The following SAMD12 variants were observed in gnomAD, a reference collection of about 807,000 sequenced individuals.
SAMD12 encodes sterile alpha motif domain-containing protein 12.
Under a neutral mutation model 15.0 loss-of-function variants are expected in SAMD12, and 9 were observed. The observed-to-expected ratio is 0.60, with a 90% CI of 0.36 to 1.05. SAMD12 has a LOEUF of 1.05. Ranked by LOEUF, SAMD12 falls within the 50% of genes least tolerant of loss-of-function variation. The probability of loss-of-function intolerance (pLI) is 0.01; values close to 1 mark genes in which losing one functional copy is unlikely to be tolerated. For synonymous variants in SAMD12, 86 were observed against 90.1 expected (o/e 0.96, Z 0.25); for missense variants, 230 against 234.2 (o/e 0.98, Z 0.12).
the SAMD12 span, among the ~76,000 whole-genome samples, chr8:118,177,595 T>C: frequency 6.0e-4 from 91 of 152,254 alleles, no homozygotes; most frequent in Non-Finnish European, 9.0e-4. Flanking sequence ...GGCTCATAGA[T>C]GGGTGTAATC....
intron 1 of SAMD12, among the ~76,000 whole-genome samples, chr8:118,604,279 A>G (rs1827936322): frequency 6.6e-6 from 1 of 152,176 alleles, no homozygotes; most frequent in African/African-American, 2.4e-5. Flanking sequence ...ATGGTAGAGA[A>G]TATTTATCTA....
the SAMD12 span, among the ~76,000 whole-genome samples, chr8:118,146,336 G>A: frequency 6.6e-6 from 1 of 152,172 alleles, no homozygotes; most frequent in Non-Finnish European, 1.5e-5. Context: ...GATAGCAAGA[G>A]ACAAAGCTGG....
chr8:118,537,527 ATTCT>A (rs1825878733), intron 2 of SAMD12, among the ~76,000 whole-genome samples: 1 of 152,152 alleles, frequency 6.6e-6, no homozygotes, highest in Non-Finnish European at 1.5e-5. Context: ...AGGCTCACGA[ATTCT>A]TTCTTCTGCT....
intron 4 of SAMD12, among the ~76,000 whole-genome samples, chr8:118,260,255 ATTTGCCT>A (rs1813047010): frequency 6.6e-6 from 1 of 151,822 alleles, no homozygotes; most frequent in African/African-American, 2.4e-5. Flanking sequence ...TGATTTATGG[ATTTGCCT>A]TTTTTTGTCC....
At chr8:118,305,180 A>T (rs1815274172) in intron 4 of SAMD12, among the ~76,000 whole-genome samples, 3 of 137,574 alleles carry the variant, frequency 2.2e-5, no homozygotes. Flanking sequence ...AAAAAAGTCC[A>T]GTTCAGTGGC....
intron 2 of SAMD12, among the ~76,000 whole-genome samples, chr8:118,530,311 G>T (rs1287077510): frequency 1.3e-5 from 2 of 152,070 alleles, no homozygotes; most frequent in African/African-American, 4.8e-5. Context: ...AGATAATTTT[G>T]TCACTGAGGT....
chr8:118,313,886 T>G (rs1258421404), intron 4 of SAMD12, among the ~76,000 whole-genome samples: 2 of 151,836 alleles, frequency 1.3e-5, no homozygotes, highest in Non-Finnish European at 2.9e-5. Context: ...GACATGTGCT[T>G]GTGTGTGTGT....
intron 1 of SAMD12, among the ~76,000 whole-genome samples, chr8:118,582,556 A>G (rs145977506): frequency 6.6e-6 from 1 of 152,260 alleles, no homozygotes; most frequent in African/African-American, 2.4e-5. Context: ...TTAGTGGTAC[A>G]CTCTGGGCAC....
At chr8:118,319,340 C>T (rs1451954326) in intron 4 of SAMD12, among the ~76,000 whole-genome samples, 1 of 152,268 alleles carries the variant, frequency 6.6e-6, no homozygotes, top group Non-Finnish European at 1.5e-5. Flanking sequence ...TGACCCACTT[C>T]TCTCCCTTCA....
chr8:118,146,814 C>T, the SAMD12 span, among the ~76,000 whole-genome samples: 3 of 152,140 alleles, frequency 2.0e-5, no homozygotes, highest in Non-Finnish European at 2.9e-5. Flanking sequence ...TTTGCTACTT[C>T]TAACTTAGAG....
At chr8:118,216,647 G>T (rs1811967120) in intron 4 of SAMD12, among the ~76,000 whole-genome samples, 1 of 152,166 alleles carries the variant, frequency 6.6e-6, no homozygotes, top group Non-Finnish European at 1.5e-5. Flanking sequence ...TGGTAGAGAA[G>T]TGAAGAAACA....
chr8:118,392,274 C>A (rs532989822), intron 3 of SAMD12, among the ~76,000 whole-genome samples: 2 of 151,846 alleles, frequency 1.3e-5, no homozygotes, highest in African/African-American at 2.4e-5. Flanking sequence ...AAAATACACA[C>A]AAAAAAATTA....
intron 4 of SAMD12, among the ~76,000 whole-genome samples, chr8:118,200,264 G>T (rs1819677496): frequency 6.6e-6 from 1 of 152,034 alleles, no homozygotes; most frequent in Non-Finnish European, 1.5e-5. Context: ...AGACTTAGGT[G>T]TGTCCCCCTC....
intron 2 of SAMD12, among the ~76,000 whole-genome samples, chr8:118,564,775 A>T (rs1826803495): frequency 6.6e-6 from 1 of 152,226 alleles, no homozygotes. Context: ...ATCTAGGGAC[A>T]CTATGAAAGT....
intron 2 of SAMD12, among the ~76,000 whole-genome samples, chr8:118,560,082 C>T (rs1406848015): frequency 5.9e-5 from 9 of 152,116 alleles, no homozygotes; most frequent in South Asian, 4.1e-4. Context: ...ACTTCTCATT[C>T]GCTCAGGGCT....
chr8:118,587,898 T>C (rs1228487481), intron 1 of SAMD12, among the ~76,000 whole-genome samples: 1 of 152,210 alleles, frequency 6.6e-6, no homozygotes, highest in African/African-American at 2.4e-5. Context: ...TAACATAGGA[T>C]TGTTTAGCCC....
At chr8:118,167,660 T>G in the SAMD12 span, among the ~76,000 whole-genome samples, 1 of 152,212 alleles carries the variant, frequency 6.6e-6, no homozygotes, top group Admixed American at 6.5e-5. Flanking sequence ...AAAGAAGCTG[T>G]TTTTGCCTCC....
At chr8:118,552,403 A>T (rs1418759826) in intron 2 of SAMD12, among the ~76,000 whole-genome samples, 4 of 152,354 alleles carry the variant, frequency 2.6e-5, no homozygotes, top group Middle Eastern at 6.8e-3. Flanking sequence ...AATCCAGCAT[A>T]TAAACAGAAC....
At chr8:118,349,427 A>G (rs570695832) in intron 4 of SAMD12, among the ~76,000 whole-genome samples, 9 of 152,356 alleles carry the variant, frequency 5.9e-5, no homozygotes, top group African/African-American at 1.9e-4. Context: ...TGCTGAATAC[A>G]GAACTTTGAA....
Sources: allele counts gnomAD v4.1 joint callset (sites outside exome capture counted in the v4.1 genomes callset), GRCh38; gene constraint gnomAD v4.1.1; transcripts MANE v1.5; gene names NCBI Gene and HGNC (gene_info 2026-07-23, HGNC 2026-07-21).